The following SLC2A2 variants were observed in gnomAD, a reference collection of about 807,000 sequenced individuals.
SLC2A2 encodes solute carrier family 2 member 2, also known as solute carrier family 2, facilitated glucose transporter member 2.
SLC2A2 carries 36 observed loss-of-function variants against 54.5 expected under a neutral mutation model. The ratio of observed to expected loss-of-function variants is 0.66; its 90% CI spans 0.51 to 0.87. The LOEUF is 0.87. Ranked by LOEUF, SLC2A2 falls within the 40% of genes least tolerant of loss-of-function variation. The pLI, the probability that SLC2A2 is intolerant of heterozygous loss-of-function variation, is 0.00. For synonymous variants in SLC2A2, 223 were observed against 219.1 expected (o/e 1.02, Z -0.16); for missense variants, 543 against 624.3 (o/e 0.87, Z 1.39).
At chr3:170,999,389 CT>C (rs1379857039) in intron 8 of SLC2A2, among the ~76,000 whole-genome samples, 2 of 152,008 alleles carry the variant, frequency 1.3e-5, no homozygotes, top group Non-Finnish European at 2.9e-5. Context: ...CAAATATCTG[CT>C]TAATTTAGTC....
intron 1 of SLC2A2, among the ~76,000 whole-genome samples, chr3:171,020,368 G>A (rs1238853765): frequency 1.3e-5 from 2 of 152,152 alleles, no homozygotes; most frequent in East Asian, 1.9e-4. Context: ...ATCTTCTACT[G>A]GATTAGAATC....
intron 7 of SLC2A2, among the ~76,000 whole-genome samples, chr3:171,004,790 CTAT>C (rs1715513522): frequency 6.6e-6 from 1 of 151,974 alleles, no homozygotes; most frequent in African/African-American, 2.4e-5. Flanking sequence ...CCAGTTTACT[CTAT>C]TATTTATTTT....
In SLC2A2 at chr3:171,014,310, T is replaced by C. The variant is rs144368965; in HGVS notation, c.371+159A>G. ...CAAACTGTCGCAACAGCTTTTTTCA[T>C]TGATTTGATCTAACACTGATATGCC... On this transcript the variant is annotated intron_variant, in intron 3 of 10. Transcript: ENST00000314251. 1.6e-4 allele frequency among the ~76,000 whole-genome samples: 25 copies of C among 152,344 alleles called. No individual in the cohort carries two copies. The East Asian group carries it at 4.6e-3, about 28-fold the overall frequency.
Position 171,007,141 on chromosome 3 carries a change from T to C in SLC2A2, c.612+7A>G, listed in dbSNP as rs936703266. The C allele has an allele frequency of 1.3e-6, 2 of 1,569,172 alleles. No individual in the cohort carries two copies. The highest frequency in any genetic ancestry group is 2.7e-5 in the African/African-American group (2 of 73,310). On this transcript the variant is annotated splice_region_variant and intron_variant, in intron 5 of 10. Transcript: ENST00000314251. ...TGCAGTAGGGGATAAGGATGGGGAG[T>C]TTTTACCTGACTAATAAGAATGCCC...
chr3:171,005,812 A>G (rs1277502831), intron 6 of SLC2A2, 131 bp downstream of exon 6: 6 of 880,912 alleles, frequency 6.8e-6, no homozygotes, highest in African/African-American at 1.7e-5. Flanking sequence ...AATGACATGC[A>G]CCAGTCATAT....
intron 7 of SLC2A2, among the ~76,000 whole-genome samples, chr3:171,004,743 C>T (rs1715511395): frequency 6.6e-6 from 1 of 151,976 alleles, no homozygotes; most frequent in Admixed American, 6.6e-5. Context: ...GTTTTTCAAT[C>T]ATGTATTGTC....
chr3:171,005,430 A>G lies in SLC2A2; in HGVS notation c.818T>C (p.Ile273Thr). 1 of 1,612,696 alleles carries G rather than the reference A, an allele frequency of 6.2e-7. No homozygotes were observed. The highest frequency in any genetic ancestry group is 8.5e-7 in the Non-Finnish European group (1 of 1,179,192). ...LRGYDDVTKD[I>T]NEMRKEREEA... ...TTCTCTTTCTTTTCTCATTTCATTA[A>G]TATCTTTGGTGACATCATCATATCC... The change falls in exon 7 of 11, where the codon ATT becomes ACT. Residue 273 changes from isoleucine (I) to threonine (T), a missense_variant. Ile to Thr is a moderately conservative substitution (Grantham distance 89). Coordinates refer to ENST00000314251, the MANE Select transcript of SLC2A2 (RefSeq NM_000340.2).
At chr3:171,015,772 T>C (rs879548236) in intron 2 of SLC2A2, among the ~76,000 whole-genome samples, 2 of 152,112 alleles carry the variant, frequency 1.3e-5, no homozygotes, top group Non-Finnish European at 2.9e-5. Context: ...TAACAATAAG[T>C]TAGTGGCCCT....
At chr3:171,010,931 A>G (rs752783352) in intron 3 of SLC2A2, among the ~76,000 whole-genome samples, 6 of 152,028 alleles carry the variant, frequency 3.9e-5, no homozygotes, top group Non-Finnish European at 8.8e-5. Context: ...CCTTTTTTGC[A>G]GTCAAGCAGA....
chr3:171,025,109 T>C (rs1382910719), intron 1 of SLC2A2, among the ~76,000 whole-genome samples: 1 of 152,156 alleles, frequency 6.6e-6, no homozygotes, highest in Admixed American at 6.5e-5. Flanking sequence ...AGTTGTTAAC[T>C]TAATGTTTGT....
At chr3:171,010,206 T>A in intron 3 of SLC2A2, 124 bp from the exon 4 acceptor site, 1 of 1,017,004 alleles carries the variant, frequency 9.8e-7, no homozygotes, top group Non-Finnish European at 1.5e-6. Flanking sequence ...CTGTAAAAGC[T>A]AGTTGGGGAA....
In SLC2A2 at chr3:171,002,643, C is replaced by A; in HGVS notation, c.1001G>T (p.Gly334Val). 6.2e-7 allele frequency: 1 copy of A among 1,609,946 alleles called. No individual in the cohort carries two copies. Among genetic ancestry groups the A allele is most frequent in the Non-Finnish European group, 8.5e-7 (1 of 1,177,638 alleles). Residue 334 changes from glycine (G) to valine (V), a missense_variant, in exon 8 of 11, where the codon GGT becomes GTT. Physicochemically the swap from Gly to Val is moderately radical, Grantham distance 109. This residue lies in a region of SLC2A2 where 117 missense variants were observed against 179.2 expected (regional missense o/e 0.65). Coordinates refer to ENST00000314251, the MANE Select transcript of SLC2A2 (RefSeq NM_000340.2). Reference protein sequence around the residue: ...YYSTSIFQTAGISKPVYATIG... With the variant: ...YYSTSIFQTAVISKPVYATIG... ...GGTTGCATAAACAGGTTTGCTGATA[C>A]CAGCCGTCTGAAAAATGCTGGTTGA... is the stretch of plus-strand genomic sequence containing the variant.
intron 8 of SLC2A2, among the ~76,000 whole-genome samples, chr3:171,000,755 C>T (rs1715298410): frequency 1.3e-5 from 2 of 152,168 alleles, no homozygotes; most frequent in East Asian, 3.9e-4. Context: ...CAAAAACAAA[C>T]TGATGTTCTT....
chr3:171,019,101 A>ATGTGTGTG (rs1191462850), intron 1 of SLC2A2, among the ~76,000 whole-genome samples: 3 of 61,380 alleles, frequency 4.9e-5, no homozygotes, highest in African/African-American at 2.8e-4. Flanking sequence ...GTGTGTGTAT[A>ATGTGTGTG]TATATATATA....
intron 8 of SLC2A2, among the ~76,000 whole-genome samples, chr3:171,001,474 A>G (rs1326749659): frequency 6.6e-6 from 1 of 151,964 alleles, no homozygotes; most frequent in Non-Finnish European, 1.5e-5. Context: ...GCACTGTTTA[A>G]TGTGGTCTGG....
At position 170,998,111 on chromosome 3, in the gene SLC2A2, G is replaced by A; in HGVS notation, c.1375-8C>T. 1.9e-6 allele frequency: 3 copies of A among 1,613,548 alleles called. No homozygotes were observed. Among genetic ancestry groups the A allele is most frequent in the Non-Finnish European group, 2.5e-6 (3 of 1,179,706 alleles). ...ATAAGGTCCACAGAAGTCCTGGATA[G>A]AAAGCAAACACAGACTTTGAGTTAG... is the stretch of plus-strand genomic sequence containing the variant. On this transcript the variant is annotated splice_region_variant and splice_polypyrimidine_tract_variant and intron_variant, in intron 10 of 10. Coordinates refer to ENST00000314251, the MANE Select transcript of SLC2A2 (RefSeq NM_000340.2).
intron 1 of SLC2A2, among the ~76,000 whole-genome samples, chr3:171,020,602 G>T (rs1438814268): frequency 6.6e-6 from 1 of 152,048 alleles, no homozygotes; most frequent in Admixed American, 6.6e-5. Context: ...ATATAAATTG[G>T]CCAGGCATAG....
intron 2 of SLC2A2, among the ~76,000 whole-genome samples, chr3:171,016,222 G>A (rs184354955): frequency 2.6e-5 from 4 of 152,294 alleles, no homozygotes; most frequent in Admixed American, 2.0e-4. Context: ...ATCACTTGAG[G>A]TCAGGAGTTC....
At position 171,014,675 on chromosome 3, in the gene SLC2A2, A is replaced by G. The variant is rs1381051138; in HGVS notation, c.165T>C (p.Ala55=). 1 of 1,614,120 alleles carries G rather than the reference A, an allele frequency of 6.2e-7. No individual in the cohort carries two copies. The highest frequency in any genetic ancestry group is 8.5e-7 in the Non-Finnish European group (1 of 1,179,930). Residue 55 remains alanine, a synonymous_variant, in exon 3 of 11, where the codon GCT becomes GCC. Transcript: ENST00000314251. ...TACTGTTGATAACATAGTTGTTGATAGCTTTTCGGTCATCCAGTGGAACAC... is the reference window on the plus strand; with the variant it reads ...TACTGTTGATAACATAGTTGTTGATGGCTTTTCGGTCATCCAGTGGAACAC... ...VLGVPLDDRK[A]INNYVINSTD... is the part of the protein sequence containing the mutation.
Sources: gnomAD v4.1 joint callset for allele counts (sites outside exome capture counted in the v4.1 genomes callset) on GRCh38, gnomAD v4.1.1 for gene constraint, gnomAD v4.1.1 regional missense constraint, MANE v1.5 for transcripts, NCBI Gene and HGNC (gene_info 2026-07-23, HGNC 2026-07-21) for gene names.